The following LINGO2 variants were observed in gnomAD, a reference collection of about 807,000 sequenced individuals.
LINGO2 encodes the protein leucine-rich repeat and immunoglobulin-like domain-containing nogo receptor-interacting protein 2.
In LINGO2, 14 loss-of-function variants were observed where a neutral mutation model predicts 30.6. The ratio of observed to expected loss-of-function variants is 0.46; its 90% CI spans 0.30 to 0.72. The LOEUF is 0.72. Ranked by LOEUF, LINGO2 falls within the 30% of genes least tolerant of loss-of-function variation. The pLI, the probability that LINGO2 is intolerant of heterozygous loss-of-function variation, is 0.07. For synonymous variants in LINGO2, 317 were observed against 288.5 expected, an observed-to-expected ratio of 1.10 and a Z score of -1.00; for missense variants, 729 against 751.7, an observed-to-expected ratio of 0.97 and a Z score of 0.35.
chr9:28,922,514 T>A, the LINGO2 span, among the ~76,000 whole-genome samples: 1 of 152,150 alleles, frequency 6.6e-6, no homozygotes, highest in Non-Finnish European at 1.5e-5. Flanking sequence ...CCACAGGAAA[T>A]AATTAAACTG....
chr9:28,321,962 T>C (rs1482879307), intron 3 of LINGO2, among the ~76,000 whole-genome samples: 2 of 152,154 alleles, frequency 1.3e-5, no homozygotes, highest in African/African-American at 4.8e-5. Flanking sequence ...TTTTTATACA[T>C]CCATCAATGA....
At chr9:28,656,289 G>A (rs566192216) in intron 1 of LINGO2, among the ~76,000 whole-genome samples, 7 of 151,964 alleles carry the variant, frequency 4.6e-5, no homozygotes, top group South Asian at 4.2e-4. Flanking sequence ...CTCAAAGTGC[G>A]TTATCCTATA....
At chr9:27,985,936 T>C (rs1458509448) in intron 5 of LINGO2, among the ~76,000 whole-genome samples, 1 of 151,890 alleles carries the variant, frequency 6.6e-6, no homozygotes, top group African/African-American at 2.4e-5. Context: ...ATTTTCAATT[T>C]CCTCTCCAAC....
At chr9:28,822,266 T>C in the LINGO2 span, among the ~76,000 whole-genome samples, 10 of 152,270 alleles carry the variant, frequency 6.6e-5, no homozygotes, top group African/African-American at 2.2e-4. Context: ...AACTATACCC[T>C]CTGCATACTT....
At chr9:28,079,402 C>T (rs550917992) in intron 4 of LINGO2, among the ~76,000 whole-genome samples, 2 of 152,060 alleles carry the variant, frequency 1.3e-5, no homozygotes, top group East Asian at 1.9e-4. Context: ...CACTGTGAGC[C>T]GTTCGTTTTT....
rs1472756991 is a variant in LINGO2, at chr9:28,338,663, C to T, written c.-246+34173G>A. Among the ~76,000 whole-genome samples, 2 of 152,062 alleles carry T rather than the reference C, an allele frequency of 1.3e-5. 1 individual carries two copies. The highest frequency in any genetic ancestry group is 4.2e-4 in the South Asian group (2 of 4,814). ...TTACCCTCATGCTGTTCTTGTGATA[C>T]TGAGTGAGCTCTCACAAGATCTGAT... On this transcript the variant is annotated intron_variant, in intron 3 of 5. Coordinates refer to ENST00000379992, the Ensembl canonical transcript of LINGO2.
At chr9:28,685,800 T>A in the LINGO2 span, among the ~76,000 whole-genome samples, 1 of 152,172 alleles carries the variant, frequency 6.6e-6, no homozygotes, top group Non-Finnish European at 1.5e-5. Flanking sequence ...ATCTTGTGTG[T>A]GTGCAGGTAT....
the LINGO2 span, among the ~76,000 whole-genome samples, chr9:28,861,052 TATA>T: frequency 7.8e-4 from 80 of 103,000 alleles, 1 homozygote; most frequent in African/African-American, 3.0e-3. Context: ...TATATAAATG[TATA>T]ATATGTATTA....
chr9:28,624,009 C>T (rs963179929), intron 1 of LINGO2, among the ~76,000 whole-genome samples: 1 of 152,018 alleles, frequency 6.6e-6, no homozygotes, highest in African/African-American at 2.4e-5. Context: ...AATGCTACTG[C>T]TTTGTAGGTT....
At position 28,632,877 on chromosome 9, in the gene LINGO2, TATGTAGAGAG is replaced by T. The variant is rs1354606412; in HGVS notation, c.-365+37313_-365+37322del. The stretch of plus-strand genomic sequence containing the variant: ...TTTTTTATATATATATATATATATA[TATGTAGAGAG>T]AGAGAGAGAGAGAGAGAGAGAGAGA... On this transcript the variant is annotated intron_variant, in intron 1 of 5. Transcript: ENST00000379992. 5.4e-3 allele frequency among the ~76,000 whole-genome samples: 486 copies of T among 90,720 alleles called. 7 individuals carry two copies. Among genetic ancestry groups the T allele is most frequent in the Non-Finnish European group, 7.1e-3 (333 of 46,574 alleles). 59.5% of individuals were successfully genotyped at this position (90,720 alleles called of 152,430 possible).
the LINGO2 span, among the ~76,000 whole-genome samples, chr9:28,837,491 C>CA: frequency 6.6e-6 from 1 of 150,476 alleles, no homozygotes; most frequent in Non-Finnish European, 1.5e-5. Flanking sequence ...CCTAAAAATA[C>CA]AAAAAATTAG....
At chr9:28,416,514 G>T (rs988252129) in intron 2 of LINGO2, among the ~76,000 whole-genome samples, 1 of 152,136 alleles carries the variant, frequency 6.6e-6, no homozygotes, top group Non-Finnish European at 1.5e-5. Context: ...ATTACCTTTT[G>T]TGAAGCATTA....
the LINGO2 span, among the ~76,000 whole-genome samples, chr9:28,838,785 C>T: frequency 6.6e-5 from 10 of 152,290 alleles, no homozygotes; most frequent in African/African-American, 1.2e-4. Context: ...GCCCACTTGG[C>T]GGGGCAGGCT....
the LINGO2 span, among the ~76,000 whole-genome samples, chr9:28,924,685 G>C: frequency 6.6e-6 from 1 of 152,160 alleles, no homozygotes; most frequent in Non-Finnish European, 1.5e-5. Flanking sequence ...CTCTTCCTTT[G>C]ATCAAGCTTA....
chr9:28,495,325 T>C (rs549502850), intron 1 of LINGO2, among the ~76,000 whole-genome samples: 11 of 152,356 alleles, frequency 7.2e-5, no homozygotes, highest in South Asian at 6.2e-4. Context: ...GCCTAGCTTT[T>C]CTTCTAGGGT....
intron 4 of LINGO2, among the ~76,000 whole-genome samples, chr9:28,106,703 G>A (rs1447275421): frequency 6.6e-6 from 1 of 152,070 alleles, no homozygotes; most frequent in Non-Finnish European, 1.5e-5. Context: ...AAATCCTACA[G>A]TCTGACAGTT....
At chr9:28,907,859 G>A in the LINGO2 span, among the ~76,000 whole-genome samples, 1 of 151,490 alleles carries the variant, frequency 6.6e-6, no homozygotes, top group Non-Finnish European at 1.5e-5. Context: ...GATGACTGTA[G>A]AACTTCTAAA....
chr9:28,749,141 C>T, the LINGO2 span, among the ~76,000 whole-genome samples: 37 of 152,126 alleles, frequency 2.4e-4, no homozygotes, highest in South Asian at 5.4e-3. Flanking sequence ...AGCTTTATTT[C>T]TCACTCTCTT....
At chr9:28,048,401 T>C (rs755744119) in intron 4 of LINGO2, among the ~76,000 whole-genome samples, 1 of 150,602 alleles carries the variant, frequency 6.6e-6, no homozygotes, top group Non-Finnish European at 1.5e-5. Flanking sequence ...AACATCAAAA[T>C]TACATAAATA....
Sources: allele counts gnomAD v4.1 joint callset (sites outside exome capture counted in the v4.1 genomes callset), GRCh38; gene constraint gnomAD v4.1.1; transcripts MANE v1.5; gene names NCBI Gene and HGNC (gene_info 2026-07-23, HGNC 2026-07-21).